Variants in RNF220 observed in about 807,000 individuals in gnomAD.
RNF220 encodes ring finger protein 220, also known as E3 ubiquitin-protein ligase RNF220.
Under a neutral mutation model 67.1 loss-of-function variants are expected in RNF220, and 7 were observed. The observed-to-expected ratio is 0.10, with a 90% CI of 0.06 to 0.20. The LOEUF (loss-of-function observed/expected upper bound fraction) is 0.20. Ranked by LOEUF, RNF220 falls within the 10% of genes least tolerant of loss-of-function variation. The pLI is 1.00. For missense variants in RNF220, 565 were observed against 740.3 expected (o/e 0.76, Z 2.75); for synonymous variants, 270 against 283.2 (o/e 0.95, Z 0.47).
chr1:44,422,757 C>T (rs1388255825), intron 2 of RNF220, among the ~76,000 whole-genome samples: 1 of 152,154 alleles, frequency 6.6e-6, no homozygotes, highest in Non-Finnish European at 1.5e-5. Context: ...TGGGAAGTGC[C>T]TCCTGGAGTC....
chr1:44,529,163 T>C (rs782135), intron 2 of RNF220, among the ~76,000 whole-genome samples: 76,619 of 152,040 alleles, frequency 0.5, 20,901 homozygotes, highest in Admixed American at 0.6. Flanking sequence ...TTCAGTATTA[T>C]TTATAGCAGA....
chr1:44,498,125 A>T (rs553226553), intron 2 of RNF220, among the ~76,000 whole-genome samples: 38 of 152,268 alleles, frequency 2.5e-4, no homozygotes, highest in African/African-American at 8.4e-4. Context: ...TTACTATGGG[A>T]TATATTTGGT....
intron 2 of RNF220, among the ~76,000 whole-genome samples, chr1:44,576,446 C>T (rs1489516948): frequency 6.6e-6 from 1 of 152,212 alleles, no homozygotes; most frequent in Non-Finnish European, 1.5e-5. Flanking sequence ...TGTTTTCATT[C>T]CATCTTGAGG....
rs116482678 is a variant in RNF220 at position 44,442,259 on chromosome 1, C to T, written c.625+29537C>T. Among the ~76,000 whole-genome samples the T allele has an allele frequency of 8.2e-3, 1,249 of 152,234 alleles. 23 individuals carry two copies. The highest frequency in any genetic ancestry group is 0.028 in the African/African-American group (1,181 of 41,538). The stretch of plus-strand genomic sequence containing the variant: ...CTAGGCTTAGGTGATCCTCCCACCT[C>T]AGCTTCATGAGTAGCTGGGACTTCA... On this transcript the variant is annotated intron_variant, in intron 2 of 14. Coordinates refer to ENST00000361799, the MANE Select transcript of RNF220 (RefSeq NM_018150.4).
At chr1:44,536,782 GA>G (rs1459478509) in intron 2 of RNF220, among the ~76,000 whole-genome samples, 1 of 152,176 alleles carries the variant, frequency 6.6e-6, no homozygotes, top group African/African-American at 2.4e-5. Context: ...TCCGCCTGCA[GA>G]TAATTGGCAA....
chr1:44,432,966 G>T (rs1426485172), intron 2 of RNF220, among the ~76,000 whole-genome samples: 1 of 149,754 alleles, frequency 6.7e-6, no homozygotes, highest in African/African-American at 2.5e-5. Flanking sequence ...TGTTGCCCAG[G>T]CACTGTACCC....
intron 5 of RNF220, 29 bp downstream of exon 5, chr1:44,626,427 A>G: frequency 1.3e-6 from 2 of 1,565,524 alleles, no homozygotes; most frequent in Non-Finnish European, 8.8e-7. Context: ...TGGCCATGAG[A>G]AGCAAGCTCA....
chr1:44,412,525 A>G lies in RNF220; in HGVS notation c.428A>G (p.Lys143Arg). 1.2e-6 allele frequency: 2 copies of G among 1,614,092 alleles called. No individual in the cohort carries two copies. The highest frequency in any genetic ancestry group is 1.7e-6 in the Non-Finnish European group (2 of 1,179,980). The change falls in exon 2 of 15, where the codon AAG becomes AGG. Residue 143 changes from lysine to arginine, a missense_variant. By Grantham distance (26) the Lys-to-Arg change is conservative (BLOSUM62 2). Transcript: ENST00000361799. The surrounding 1 kb of genome is among the most constrained non-coding windows in gnomAD (Gnocchi z 5.3). ...QSAFTPAKRL[K>R]NCHDTESPHL... ...GCCTTTACGCCGGCCAAGCGACTTA[A>G]GAACTGCCATGACACAGAGTCTCCC...
At chr1:44,469,449 AT>A (rs1455809088) in intron 2 of RNF220, among the ~76,000 whole-genome samples, 1 of 152,128 alleles carries the variant, frequency 6.6e-6, no homozygotes, top group Non-Finnish European at 1.5e-5. Flanking sequence ...AATCTCAGAA[AT>A]GGAAGGGATC....
rs575501096 is a variant in RNF220, at chr1:44,538,123, G to A, written c.626-76042G>A. Reference sequence around the variant, plus strand: ...TGACTATAAATGTGTTAGTCATGCTGTTCATGCCTTCAAGTTGTTGATAAA... The same window carrying A: ...TGACTATAAATGTGTTAGTCATGCTATTCATGCCTTCAAGTTGTTGATAAA... On this transcript the variant is annotated intron_variant, in intron 2 of 14. Coordinates refer to ENST00000361799, the MANE Select transcript of RNF220 (RefSeq NM_018150.4). 2.0e-5 allele frequency among the ~76,000 whole-genome samples: 3 copies of A among 152,264 alleles called. No individual in the cohort carries two copies. In the South Asian group the frequency reaches 6.2e-4, roughly 32 times the overall value.
chr1:44,519,411 G>A (rs549215133), intron 2 of RNF220, among the ~76,000 whole-genome samples: 1 of 152,306 alleles, frequency 6.6e-6, no homozygotes, highest in East Asian at 1.9e-4. Flanking sequence ...GCAAGCATAG[G>A]GTGCTGTGTG....
intron 2 of RNF220, among the ~76,000 whole-genome samples, chr1:44,518,823 C>G (rs1226032065): frequency 6.6e-6 from 1 of 151,130 alleles, no homozygotes; most frequent in African/African-American, 2.4e-5. Flanking sequence ...TGCAGTGAGC[C>G]GAGATTGTGC....
intron 2 of RNF220, among the ~76,000 whole-genome samples, chr1:44,523,204 G>A (rs1008383740): frequency 7.2e-5 from 11 of 152,232 alleles, no homozygotes; most frequent in African/African-American, 2.7e-4. Context: ...ATCTGGGGAA[G>A]TCATCTGCAC....
chr1:44,538,642 G>A (rs529039356), intron 2 of RNF220, among the ~76,000 whole-genome samples: 3 of 152,262 alleles, frequency 2.0e-5, no homozygotes, highest in Middle Eastern at 3.4e-3. Flanking sequence ...CTGGCCAAGC[G>A]CAGTGGCTCA....
chr1:44,633,308 A>G (rs970385487), intron 6 of RNF220, among the ~76,000 whole-genome samples: 2 of 152,208 alleles, frequency 1.3e-5, no homozygotes, highest in Admixed American at 1.3e-4. Context: ...GGTTTGTTTA[A>G]AAGTACACAG....
intron 2 of RNF220, among the ~76,000 whole-genome samples, chr1:44,592,097 TGAAAG>T (rs1666158190): frequency 6.6e-6 from 1 of 151,680 alleles, no homozygotes; most frequent in African/African-American, 2.4e-5. Context: ...ATGATAAAAA[TGAAAG>T]GAATGAGAGA....
chr1:44,513,745 T>C (rs1284981768), intron 2 of RNF220, among the ~76,000 whole-genome samples: 1 of 152,226 alleles, frequency 6.6e-6, no homozygotes, highest in East Asian at 1.9e-4. Flanking sequence ...TTTCTTCCTC[T>C]TCTTCCCCCC....
chr1:44,506,529 C>T (rs1346425552), intron 2 of RNF220, among the ~76,000 whole-genome samples: 1 of 152,172 alleles, frequency 6.6e-6, no homozygotes, highest in East Asian at 1.9e-4. Context: ...TCCTCCTGGC[C>T]TTCATCTGTT....
Position 44,533,945 on chromosome 1 carries a change from C to T in RNF220, c.626-80220C>T, listed in dbSNP as rs184779670. ...ATGAGCCCGAAGAAGGAGGTGGGTG[C>T]CACTTCATGGAAGATCAGCTGAAGA... On this transcript the variant is annotated intron_variant, in intron 2 of 14. Coordinates refer to ENST00000361799, the MANE Select transcript of RNF220 (RefSeq NM_018150.4). Among the ~76,000 whole-genome samples the T allele has an allele frequency of 2.2e-3, 329 of 152,302 alleles. 1 individual carries two copies. The highest frequency in any genetic ancestry group is 7.5e-3 in the African/African-American group (312 of 41,572).
Sources: allele counts gnomAD v4.1 joint callset (sites outside exome capture counted in the v4.1 genomes callset), GRCh38; gene constraint gnomAD v4.1.1; non-coding constraint Gnocchi (gnomAD v3.1); transcripts MANE v1.5; gene names NCBI Gene and HGNC (gene_info 2026-07-23, HGNC 2026-07-21).